Variants in ZNF821 observed in about 807,000 individuals in gnomAD.
The protein encoded by ZNF821 is zinc finger protein 821.
Under a neutral mutation model 44.3 loss-of-function variants are expected in ZNF821, and 16 were observed. That is an observed-to-expected ratio of 0.36 (90% CI 0.24 to 0.55). ZNF821 has a LOEUF of 0.55. Ranked by LOEUF, ZNF821 falls within the 20% of genes least tolerant of loss-of-function variation. ZNF821 has a pLI of 0.86. For missense variants in ZNF821, 436 were observed against 547.6 expected (o/e 0.80, Z 2.03); for synonymous variants, 204 against 197.6 (o/e 1.03, Z -0.27).
At chr16:71,861,963 C>G (rs1475064443) in intron 6 of ZNF821, 21 bp from the exon 7 acceptor site, 2 of 1,612,110 alleles carry the variant, frequency 1.2e-6, no homozygotes, top group African/African-American at 1.3e-5. Flanking sequence ...GAGCCTTGAT[C>G]TGTCAGTCTT....
At chr16:71,883,303 G>A (rs1312763070) in intron 1 of ZNF821, 30 bp from the exon 2 acceptor site, 2 of 429,640 alleles carry the variant, frequency 4.7e-6, no homozygotes, top group African/African-American at 4.1e-5. Flanking sequence ...AAGAAAGCTG[G>A]TCACTTAGCC....
At position 71,860,418 on chromosome 16, in the gene ZNF821, G is replaced by A; in HGVS notation, c.839C>T (p.Ala280Val). ...RLQRLERERT[A>V]KKSRRDNETP... Reference sequence around the variant, plus strand: ...CTCATTGTCCCGCCGGCTCTTCTTGGCCGTGCGCTCTCGTTCCAGCCGCTG... The same window carrying A: ...CTCATTGTCCCGCCGGCTCTTCTTGACCGTGCGCTCTCGTTCCAGCCGCTG... Residue 280 changes from alanine to valine, a missense_variant, in exon 8 of 8, where the codon GCC becomes GTC. Physicochemically the swap from Ala to Val is moderately conservative, Grantham distance 64. Coordinates refer to ENST00000425432, the MANE Select transcript of ZNF821 (RefSeq NM_001201552.2). The surrounding 1 kb of genome is among the most constrained non-coding windows in gnomAD (Gnocchi z 7.3). 6.2e-7 allele frequency: 1 copy of A among 1,613,108 alleles called. No individual in the cohort carries two copies. Among genetic ancestry groups the A allele is most frequent in the Non-Finnish European group, 8.5e-7 (1 of 1,180,034 alleles).
intron 3 of ZNF821, among the ~76,000 whole-genome samples, chr16:71,877,525 G>T (rs1339422365): frequency 1.3e-5 from 2 of 152,154 alleles, no homozygotes; most frequent in Non-Finnish European, 2.9e-5. Flanking sequence ...CTCCCAAAGT[G>T]TTGGGATTAC....
At chr16:71,890,243 G>T (rs2036877859) in intron 1 of ZNF821, among the ~76,000 whole-genome samples, 1 of 150,296 alleles carries the variant, frequency 6.7e-6, no homozygotes, top group Non-Finnish European at 1.5e-5. Context: ...TTTTTTTATT[G>T]TTTTTCTTCT....
At chr16:71,872,433 GA>G (rs1194750757) in intron 3 of ZNF821, among the ~76,000 whole-genome samples, 1 of 151,970 alleles carries the variant, frequency 6.6e-6, no homozygotes, top group Non-Finnish European at 1.5e-5. Flanking sequence ...CTAACACAGT[GA>G]AACCCCGTCT....
Position 71,860,727 on chromosome 16 carries a change from T to C in ZNF821, c.585-55A>G. ...GTTTCCTTCTAGCAAGAGTCGGGAC[T>C]CCAGCCCTGCCTTATTCTTTTCCTA... On this transcript the variant is annotated intron_variant, in intron 7 of 7. Coordinates refer to ENST00000425432, the MANE Select transcript of ZNF821 (RefSeq NM_001201552.2). The surrounding 1 kb of genome is among the most constrained non-coding windows in gnomAD (Gnocchi z 7.3). The C allele has an allele frequency of 1.3e-6, 2 of 1,555,438 alleles. No individual in the cohort carries two copies. The highest frequency in any genetic ancestry group is 1.7e-6 in the Non-Finnish European group (2 of 1,153,676).
chr16:71,887,259 CTTT>C (rs60449301), upstream of ZNF821, among the ~76,000 whole-genome samples: 1 of 124,866 alleles, frequency 8.0e-6, no homozygotes, highest in Non-Finnish European at 1.6e-5. Flanking sequence ...TATATTCAAC[CTTT>C]TTTTTTTTTT....
At chr16:71,875,959 T>C (rs2035767557) in intron 3 of ZNF821, among the ~76,000 whole-genome samples, 1 of 152,192 alleles carries the variant, frequency 6.6e-6, no homozygotes, top group Non-Finnish European at 1.5e-5. Context: ...TGCAGGGAGA[T>C]GCAGCTTATG....
In ZNF821 at chr16:71,883,504, A is replaced by C. The variant is rs552029912; in HGVS notation, c.-140-231T>G. The stretch of plus-strand genomic sequence containing the variant: ...AGACAACACAATCTCCGAAATCTAA[A>C]TTTAGAAGCTTTTCTGCGAGACCCA... On this transcript the variant is annotated intron_variant, in intron 1 of 7. Transcript: ENST00000425432. 32 of 233,372 alleles carry C rather than the reference A, an allele frequency of 1.4e-4. 1 individual carries two copies. The highest frequency in any genetic ancestry group is 1.4e-3 in the South Asian group (29 of 21,230). The allele number at this position is 233,372 out of a possible 1,614,324, so 14.5% of individuals were successfully genotyped here.
In ZNF821 at chr16:71,860,589, A is replaced by G. The variant is rs113449639; in HGVS notation, c.668T>C (p.Ile223Thr). The change falls in exon 8 of 8, where the codon ATT becomes ACT. Residue 223 changes from isoleucine (I) to threonine (T), a missense_variant. This residue lies in a region of ZNF821 where 238 missense variants were observed against 281.4 expected (regional missense o/e 0.85). Transcript: ENST00000425432. The surrounding 1 kb of genome is among the most constrained non-coding windows in gnomAD (Gnocchi z 7.3). ...EGPSSAEGKD[I>T]AFSPPVYPAG... ...AGGGTACACTGGAGGACTAAAGGCA[A>G]TATCCTTCCCCTCAGCACTGGAGGG... 248 of 1,614,120 alleles carry G rather than the reference A, an allele frequency of 1.5e-4. 1 individual carries two copies. In the African/African-American group the frequency reaches 1.7e-3, roughly 11 times the overall value.
intron 2 of ZNF821, among the ~76,000 whole-genome samples, chr16:71,880,777 A>C (rs936743862): frequency 2.0e-5 from 3 of 152,148 alleles, no homozygotes; most frequent in African/African-American, 7.2e-5. Flanking sequence ...GGTCAAAGTT[A>C]ATAACTTTAG....
exon 1 of ZNF821, chr16:71,895,048 G>A (rs574634544): frequency 1.2e-5 from 6 of 490,818 alleles, no homozygotes; most frequent in African/African-American, 1.0e-4. Flanking sequence ...GGAGGCGCTG[G>A]GTGAAGAGTC....
chr16:71,883,599 G>A (rs1381360289), intron 1 of ZNF821: 1 of 153,696 alleles, frequency 6.5e-6, no homozygotes, highest in Non-Finnish European at 1.4e-5. Flanking sequence ...TCCACCCAAG[G>A]CTGTCAGACG....
intron 5 of ZNF821, 25 bp from the exon 6 acceptor site, chr16:71,864,267 C>A (rs1240372617): frequency 6.3e-7 from 1 of 1,597,816 alleles, no homozygotes; most frequent in African/African-American, 1.3e-5. Flanking sequence ...ATAGGCAACT[C>A]ATTAGGACTC....
exon 1 of ZNF821, chr16:71,895,224 G>C (rs1015357628): frequency 2.3e-5 from 4 of 173,818 alleles, no homozygotes; most frequent in Non-Finnish European, 5.0e-5. Flanking sequence ...GTGAGGCCGT[G>C]GGCGCAGAGT....
chr16:71,874,820 T>C (rs1033289715), intron 3 of ZNF821, among the ~76,000 whole-genome samples: 1 of 152,224 alleles, frequency 6.6e-6, no homozygotes, highest in Non-Finnish European at 1.5e-5. Flanking sequence ...TCTATTTCAC[T>C]GCAAGGTGAT....
intron 3 of ZNF821, among the ~76,000 whole-genome samples, chr16:71,870,178 A>T (rs1378680989): frequency 1.3e-5 from 2 of 152,208 alleles, no homozygotes; most frequent in Non-Finnish European, 2.9e-5. Context: ...ATCATGAGTT[A>T]TCATGCTTGG....
chr16:71,876,741 G>A (rs2035865371), intron 3 of ZNF821, among the ~76,000 whole-genome samples: 2 of 152,038 alleles, frequency 1.3e-5, no homozygotes, highest in Non-Finnish European at 1.5e-5. Flanking sequence ...CCAAGTAGCT[G>A]GCGCTACAGG....
chr16:71,886,616 A>G (rs2036855564), upstream of ZNF821, among the ~76,000 whole-genome samples: 1 of 152,216 alleles, frequency 6.6e-6, no homozygotes, highest in Non-Finnish European at 1.5e-5. Context: ...TATTCCAACA[A>G]TAAAGGTAGG....
Sources: gnomAD v4.1 joint callset for allele counts (sites outside exome capture counted in the v4.1 genomes callset) on GRCh38, gnomAD v4.1.1 for gene constraint, gnomAD v4.1.1 regional missense constraint, Gnocchi (gnomAD v3.1) non-coding constraint, MANE v1.5 for transcripts, NCBI Gene and HGNC (gene_info 2026-07-23, HGNC 2026-07-21) for gene names.